CEP78: variants seen among roughly 807,000 people sequenced by gnomAD.
CEP78 encodes the protein centrosomal protein of 78 kDa.
A neutral mutation model predicts 81.2 loss-of-function variants in CEP78; 76 were observed. That is an observed-to-expected ratio of 0.94 (90% CI 0.78 to 1.13). The LOEUF (loss-of-function observed/expected upper bound fraction) is 1.13, where lower values mean the gene tolerates loss of function less well. Ranked by LOEUF, CEP78 falls within the 50% of genes most tolerant of loss-of-function variation. The pLI, the probability that CEP78 is intolerant of heterozygous loss-of-function variation, is 0.00. For missense variants in CEP78, 918 were observed against 846.8 expected (o/e 1.08, Z -1.04); for synonymous variants, 293 against 301.4 (o/e 0.97, Z 0.29).
At chr9:78,265,569 G>A in intron 14 of CEP78, 26 bp downstream of exon 14, 1 of 1,532,992 alleles carries the variant, frequency 6.5e-7, no homozygotes, top group South Asian at 1.2e-5. Flanking sequence ...AGAACTTAGT[G>A]ATTCTACAAG....
chr9:78,266,897 C>T, intron 16 of CEP78, 194 bp downstream of exon 16: 1 of 1,431,502 alleles, frequency 7.0e-7, no homozygotes. Flanking sequence ...CTGTTTCATC[C>T]AAGACAAATA....
rs759710618 is a variant in CEP78 at position 78,254,823 on chromosome 9, C to G, written c.1252-13C>G. On this transcript the variant is annotated splice_polypyrimidine_tract_variant and intron_variant, in intron 10 of 16. Transcript: ENST00000643273. ...GTTTATATTATTATACAATCTTGTC[C>G]TCTTTTTTTAAGCAACCAGGTTTTC... 1.9e-5 allele frequency: 31 copies of G among 1,597,546 alleles called. No individual in the cohort carries two copies. Among genetic ancestry groups the G allele is most frequent in the Non-Finnish European group, 2.6e-5 (30 of 1,170,392 alleles).
At chr9:78,260,973 A>G (rs1430188418) in intron 11 of CEP78, among the ~76,000 whole-genome samples, 2 of 151,940 alleles carry the variant, frequency 1.3e-5, no homozygotes, top group African/African-American at 2.4e-5. Flanking sequence ...TTGTTTTGAG[A>G]TGGAGTCTCG....
Position 78,240,192 on chromosome 9 carries a change from A to T in CEP78, c.423A>T (p.Ala141=), listed in dbSNP as rs1826159213. 2 of 1,606,478 alleles carry T rather than the reference A, an allele frequency of 1.2e-6. No homozygotes were observed. The highest frequency in any genetic ancestry group is 2.2e-5 in the South Asian group (2 of 90,286). Residue 141 remains alanine, a synonymous_variant, in exon 2 of 17, where the codon GCA becomes GCT. Coordinates refer to ENST00000643273, the MANE Select transcript of CEP78 (RefSeq NM_001330691.3). ...GAGAGAGGGATTTAACTATTCTAGC[A>T]AAGGTAAGCTTTGTCTCATTTGGCT... is the stretch of plus-strand genomic sequence containing the variant. ...ILRERDLTIL[A]KGLNKSASLV...
chr9:78,262,293 CAT>C (rs1299139169), intron 11 of CEP78, among the ~76,000 whole-genome samples: 8 of 151,306 alleles, frequency 5.3e-5, no homozygotes, highest in Admixed American at 4.6e-4. Context: ...TCTTTGTCCA[CAT>C]GTTTGGTGAT....
intron 10 of CEP78, 79 bp from the exon 11 acceptor site, chr9:78,254,757 A>G (rs1826932728): frequency 1.0e-5 from 12 of 1,177,548 alleles, no homozygotes; most frequent in Non-Finnish European, 1.2e-5. Context: ...ACACTTCAGA[A>G]AGATCACTTT....
In CEP78 at chr9:78,264,297, G is replaced by T; in HGVS notation, c.1606G>T (p.Asp536Tyr). ...TTTTCAGAAGTTTCATGCTTTCTTG[G>T]ATCTCCTTAAAGATGCTGGGTTAGT... is the stretch of plus-strand genomic sequence containing the variant. ...NSFQKFHAFL[D>Y]LLKDAGLGQL... is the part of the protein sequence containing the mutation. Residue 536 changes from aspartate (D) to tyrosine (Y), a missense_variant, in exon 13 of 17, where the codon GAT becomes TAT. Transcript: ENST00000643273. 4.3e-6 allele frequency: 7 copies of T among 1,613,132 alleles called. No individual in the cohort carries two copies. The highest frequency in any genetic ancestry group is 5.1e-6 in the Non-Finnish European group (6 of 1,179,486).
In CEP78 at chr9:78,271,940, C is replaced by G. The variant is rs1228658429; in HGVS notation, c.*1089C>G. The G allele has an allele frequency of 6.6e-6, 1 of 151,590 alleles. No homozygotes were observed. The highest frequency in any genetic ancestry group is 1.9e-4 in the East Asian group (1 of 5,170). 9.4% of individuals were successfully genotyped at this position (151,590 alleles called of 1,614,324 possible). On this transcript the variant is annotated 3_prime_UTR_variant, in exon 17 of 17. Transcript: ENST00000643273. The stretch of plus-strand genomic sequence containing the variant: ...TTTTTTTTTGAGACGGAGTCTCGCT[C>G]TATTGCCCAGGCTGGAGTGCAGTGG...
intron 5 of CEP78, 136 bp from the exon 6 acceptor site, chr9:78,246,533 G>C (rs1376746996): frequency 1.7e-5 from 8 of 459,396 alleles, no homozygotes; most frequent in Non-Finnish European, 2.7e-5. Flanking sequence ...CTGGGAGGCA[G>C]AGCTTGCAGT....
Position 78,275,815 on chromosome 9 carries a change from T to C in CEP78, c.*4964T>C, listed in dbSNP as rs535798744. The C allele has an allele frequency of 6.6e-6, 1 of 152,168 alleles. No individual in the cohort carries two copies. The highest frequency in any genetic ancestry group is 1.9e-4 in the East Asian group (1 of 5,150). The allele number at this position is 152,168 out of a possible 1,614,324, so 9.4% of individuals were successfully genotyped here. A position where few individuals can be genotyped will look rare whatever the true frequency, so the allele number is the denominator to read the frequency against. ...CCCAAAACTTAGCCAGGCATGGTGG[T>C]GCGTGCATGTAGTCCCAGCCACTCA... On this transcript the variant is annotated 3_prime_UTR_variant, in exon 17 of 17. Coordinates refer to ENST00000643273, the MANE Select transcript of CEP78 (RefSeq NM_001330691.3).
rs1827403037 is a variant in CEP78, at chr9:78,264,161, A to G, written c.1470A>G (p.Glu490=). 4.8e-6 allele frequency: 7 copies of G among 1,466,128 alleles called. No individual in the cohort carries two copies. The highest frequency in any genetic ancestry group is 6.3e-6 in the Non-Finnish European group (7 of 1,105,580). The allele number at this position is 1,466,128 out of a possible 1,614,324, so 90.8% of individuals were successfully genotyped here. The stretch of plus-strand genomic sequence containing the variant: ...ATCTTCTTTTATAGCTGGAACATGA[A>G]AATGCCCAGTTAAGAAATATAAATT... ...VDKRVSELEH[E]NAQLRNINFS... Residue 490 remains glutamate, a synonymous_variant, in exon 13 of 17, where the codon GAA becomes GAG. Coordinates refer to ENST00000643273, the MANE Select transcript of CEP78 (RefSeq NM_001330691.3).
At chr9:78,267,691 A>G (rs1827596455) in intron 16 of CEP78, among the ~76,000 whole-genome samples, 1 of 152,196 alleles carries the variant, frequency 6.6e-6, no homozygotes, top group African/African-American at 2.4e-5. Flanking sequence ...AGATTCTGAG[A>G]AAAAAGCCAA....
intron 10 of CEP78, chr9:78,253,987 C>A (rs1349498038): frequency 6.6e-6 from 1 of 152,304 alleles, no homozygotes. Flanking sequence ...ATTCTCATGA[C>A]TTCTCTTCTG....
chr9:78,244,383 C>T (rs1401865936), intron 5 of CEP78, among the ~76,000 whole-genome samples: 1 of 152,158 alleles, frequency 6.6e-6, no homozygotes, highest in Non-Finnish European at 1.5e-5. Flanking sequence ...TTGCCTTGGC[C>T]TCCCAAAGTG....
At chr9:78,270,697 G>T (rs1827672294) in intron 16 of CEP78, 144 bp from the exon 17 acceptor site, 1 of 514,842 alleles carries the variant, frequency 1.9e-6, no homozygotes, top group Non-Finnish European at 3.4e-6. Flanking sequence ...GGTATTTACA[G>T]AATCTCTAAT....
intron 8 of CEP78, chr9:78,250,110 TTGAA>T (rs1826683822): frequency 2.6e-6 from 1 of 391,934 alleles, no homozygotes; most frequent in East Asian, 3.6e-5. Flanking sequence ...TTGGACATCA[TTGAA>T]TGAGAATAAA....
chr9:78,241,592 A>G (rs1826230680), intron 3 of CEP78, 104 bp from the exon 4 acceptor site: 1 of 529,966 alleles, frequency 1.9e-6, no homozygotes, highest in East Asian at 3.0e-5. Context: ...TTTTAAGAAT[A>G]CAACTATAAA....
chr9:78,254,129 T>G (rs184026586), intron 10 of CEP78, among the ~76,000 whole-genome samples: 6 of 152,294 alleles, frequency 3.9e-5, no homozygotes, highest in African/African-American at 1.4e-4. Context: ...ACAGGAGAAT[T>G]GCGTTGTTAT....
chr9:78,267,194 A>G (rs1388408060), intron 16 of CEP78: 15 of 482,066 alleles, frequency 3.1e-5, no homozygotes, highest in Non-Finnish European at 4.5e-5. Flanking sequence ...TGATTCAGCA[A>G]TTGTTTACTG....
Sources: gnomAD v4.1 joint callset for allele counts (sites outside exome capture counted in the v4.1 genomes callset) on GRCh38, gnomAD v4.1.1 for gene constraint, MANE v1.5 for transcripts, NCBI Gene and HGNC (gene_info 2026-07-23, HGNC 2026-07-21) for gene names.